SPON1: variants seen among roughly 807,000 people sequenced by gnomAD.
SPON1 encodes spondin-1.
SPON1 carries 52 observed loss-of-function variants against 111.7 expected under a neutral mutation model. The ratio of observed to expected loss-of-function variants is 0.47; its 90% CI spans 0.37 to 0.59. The LOEUF is 0.59. Among genes scored for constraint, SPON1 ranks in the 20% least tolerant of loss-of-function variants. The pLI is 0.00. For missense variants in SPON1, 957 were observed against 1,068.5 expected, an observed-to-expected ratio of 0.90 and a Z score of 1.46; for synonymous variants, 410 against 395.8, an observed-to-expected ratio of 1.04 and a Z score of -0.43.
At chr11:14,230,007 G>C (rs4757243) in intron 6 of SPON1, among the ~76,000 whole-genome samples, 1 of 149,224 alleles carries the variant, frequency 6.7e-6, no homozygotes, top group African/African-American at 2.5e-5. Context: ...TTCCTAGAAC[G>C]GACACCCTTT....
At chr11:14,159,620 T>C (rs191407819) in intron 6 of SPON1, among the ~76,000 whole-genome samples, 8 of 152,190 alleles carry the variant, frequency 5.3e-5, no homozygotes, top group Middle Eastern at 3.4e-3. Context: ...ATAGCCGCAA[T>C]TTGGAAATGA....
intron 2 of SPON1, among the ~76,000 whole-genome samples, chr11:13,987,445 G>C (rs1332146265): frequency 6.6e-6 from 1 of 152,128 alleles, no homozygotes; most frequent in South Asian, 2.1e-4. Flanking sequence ...GTAGATTCTG[G>C]ATATAAGCCC....
chr11:14,090,591 C>T (rs982711393), intron 5 of SPON1, among the ~76,000 whole-genome samples: 2 of 151,690 alleles, frequency 1.3e-5, no homozygotes, highest in Admixed American at 6.6e-5. Context: ...GCTCTTAAGG[C>T]GGCGGGTCTG....
At chr11:14,123,077 G>T (rs112275977) in intron 5 of SPON1, among the ~76,000 whole-genome samples, 3,604 of 151,842 alleles carry the variant, frequency 0.024, 141 homozygotes, top group African/African-American at 0.082. Context: ...ACTACAGGCA[G>T]GCACCACCAT....
intron 6 of SPON1, among the ~76,000 whole-genome samples, chr11:14,196,677 T>G (rs1483034428): frequency 1.3e-5 from 2 of 152,190 alleles, no homozygotes; most frequent in African/African-American, 4.8e-5. Context: ...CCTAGGTGTT[T>G]CCCTGTGTTT....
At chr11:14,242,446 G>A (rs2133917978) in intron 6 of SPON1, among the ~76,000 whole-genome samples, 1 of 152,214 alleles carries the variant, frequency 6.6e-6, no homozygotes, top group East Asian at 1.9e-4. Context: ...AGCACTGCTG[G>A]GCCCAGGCCA....
intron 3 of SPON1, among the ~76,000 whole-genome samples, chr11:14,055,730 C>G (rs1361598114): frequency 2.0e-5 from 3 of 152,292 alleles, no homozygotes; most frequent in African/African-American, 7.2e-5. Context: ...TTAGTACCCA[C>G]ATTATGGTTA....
At chr11:14,101,917 C>T (rs1299788140) in intron 5 of SPON1, among the ~76,000 whole-genome samples, 1 of 152,212 alleles carries the variant, frequency 6.6e-6, no homozygotes, top group Non-Finnish European at 1.5e-5. Context: ...CTTCTGATCA[C>T]CTGTCACCAG....
chr11:14,009,218 A>T (rs1167454833), intron 2 of SPON1, among the ~76,000 whole-genome samples: 1 of 152,152 alleles, frequency 6.6e-6, no homozygotes, highest in Non-Finnish European at 1.5e-5. Context: ...ATTTATCACT[A>T]ATTTCAGGAG....
At chr11:14,175,113 C>G (rs151080435) in intron 6 of SPON1, among the ~76,000 whole-genome samples, 5 of 152,230 alleles carry the variant, frequency 3.3e-5, no homozygotes, top group African/African-American at 1.2e-4. Flanking sequence ...ATTCCAGAAG[C>G]CAACAATTGA....
chr11:13,970,066 A>C (rs1848050866), intron 1 of SPON1, among the ~76,000 whole-genome samples: 1 of 152,194 alleles, frequency 6.6e-6, no homozygotes, highest in Admixed American at 6.5e-5. Flanking sequence ...AATAGTGTGC[A>C]GTTGTGTTTG....
At position 13,990,127 on chromosome 11, in the gene SPON1, T is replaced by A. The variant is rs185594851; in HGVS notation, c.345+7174T>A. ...GTTAATTTTCTATCTCATTGATCTG[T>A]CTAATATTGGCAGTGGGGTGTTAAA... is the stretch of plus-strand genomic sequence containing the variant. On this transcript the variant is annotated intron_variant, in intron 2 of 15. Coordinates refer to ENST00000576479, the MANE Select transcript of SPON1 (RefSeq NM_006108.4). Among the ~76,000 whole-genome samples, 727 of 152,176 alleles carry A rather than the reference T, an allele frequency of 4.8e-3. 7 individuals carry two copies. Among genetic ancestry groups the A allele is most frequent in the Non-Finnish European group, 6.0e-3 (408 of 68,004 alleles).
At chr11:14,032,476 G>A (rs1554916181) in intron 2 of SPON1, among the ~76,000 whole-genome samples, 1 of 152,214 alleles carries the variant, frequency 6.6e-6, no homozygotes, top group African/African-American at 2.4e-5. Context: ...CGACCAGTTA[G>A]GAGAGGGGTG....
At chr11:14,102,500 C>A (rs1226870959) in intron 5 of SPON1, among the ~76,000 whole-genome samples, 1 of 152,184 alleles carries the variant, frequency 6.6e-6, no homozygotes, top group Non-Finnish European at 1.5e-5. Flanking sequence ...AGCCACATTT[C>A]AATCACACAG....
chr11:14,258,448 T>C (rs562532609), intron 11 of SPON1, among the ~76,000 whole-genome samples: 9 of 152,366 alleles, frequency 5.9e-5, no homozygotes, highest in Middle Eastern at 3.4e-3. Flanking sequence ...AGCTTCAAGA[T>C]TGCACTAAGC....
chr11:14,068,118 C>A (rs1392718538), intron 3 of SPON1, among the ~76,000 whole-genome samples: 3 of 152,124 alleles, frequency 2.0e-5, no homozygotes, highest in Non-Finnish European at 4.4e-5. Flanking sequence ...ATATGAAAAT[C>A]AATTCATCAT....
At position 14,247,669 on chromosome 11, in the gene SPON1, G is replaced by A. The variant is rs539917617; in HGVS notation, c.890+4273G>A. 1.2e-4 allele frequency among the ~76,000 whole-genome samples: 18 copies of A among 152,246 alleles called. No individual in the cohort carries two copies. In the South Asian group the frequency reaches 3.7e-3, roughly 32 times the overall value. ...GCTGTGGCGATAGGTGGAGTAAGGG[G>A]GTGGAGAAAGAGCAGTCAAGATGTT... On this transcript the variant is annotated intron_variant, in intron 7 of 15. Transcript: ENST00000576479.
chr11:14,260,449 C>G, intron 13 of SPON1, 139 bp from the exon 14 acceptor site: 2 of 852,222 alleles, frequency 2.3e-6, no homozygotes, highest in South Asian at 4.1e-5. Context: ...AGATTTCACT[C>G]TTATTTGAAC....
intron 1 of SPON1, among the ~76,000 whole-genome samples, chr11:13,974,650 A>T (rs1202158753): frequency 6.6e-6 from 1 of 152,170 alleles, no homozygotes; most frequent in Non-Finnish European, 1.5e-5. Flanking sequence ...TAAATAAGGC[A>T]GGCCTTTGTT....
Sources: gnomAD v4.1 joint callset for allele counts (sites outside exome capture counted in the v4.1 genomes callset) on GRCh38, gnomAD v4.1.1 for gene constraint, MANE v1.5 for transcripts, NCBI Gene and HGNC (gene_info 2026-07-23, HGNC 2026-07-21) for gene names.